ENTPD3: variants seen among roughly 807,000 people sequenced by gnomAD.
The protein encoded by ENTPD3 is ectonucleoside triphosphate diphosphohydrolase 3, also known as CD39 antigen-like 3.
ENTPD3 carries 60 observed loss-of-function variants against 51.2 expected under a neutral mutation model. That is an observed-to-expected ratio of 1.17 (90% CI 0.95 to 1.45). The LOEUF (loss-of-function observed/expected upper bound fraction) is 1.45, where lower values mean the gene tolerates loss of function less well. Among genes scored for constraint, ENTPD3 ranks in the 40% most tolerant of loss-of-function variants. The pLI, the probability that ENTPD3 is intolerant of heterozygous loss-of-function variation, is 0.00. For missense variants in ENTPD3, 593 were observed against 641.1 expected (o/e 0.93, Z 0.81); for synonymous variants, 221 against 238.4 (o/e 0.93, Z 0.67).
intron 7 of ENTPD3, among the ~76,000 whole-genome samples, chr3:40,421,791 T>G (rs114064501): frequency 0.014 from 2,164 of 152,278 alleles, 44 homozygotes; most frequent in African/African-American, 0.04. Flanking sequence ...TGCTACCATT[T>G]ATGGCTTTAA....
Position 40,414,844 on chromosome 3 carries a change from T to G in ENTPD3, c.597+4T>G. ...TTTAATGGGAAATTTCCTGGAGGTG[T>G]GTGCAAACAAATGCATGGTTTTTAA... On this transcript the variant is annotated splice_donor_region_variant and intron_variant, in intron 6 of 10. Transcript: ENST00000301825. 3 of 1,613,930 alleles carry G rather than the reference T, an allele frequency of 1.9e-6. No individual in the cohort carries two copies. In the South Asian group the frequency reaches 3.3e-5, roughly 18 times the overall value.
intron 7 of ENTPD3, among the ~76,000 whole-genome samples, chr3:40,421,870 A>G (rs1955880908): frequency 6.6e-6 from 1 of 152,220 alleles, no homozygotes; most frequent in Non-Finnish European, 1.5e-5. Flanking sequence ...AGGATACACA[A>G]AAACTGGCAA....
intron 6 of ENTPD3, 147 bp from the exon 7 acceptor site, chr3:40,415,693 C>A: frequency 1.6e-6 from 1 of 628,702 alleles, no homozygotes; most frequent in Non-Finnish European, 2.8e-6. Context: ...TAATTCACCA[C>A]CTCTAAAAGA....
At chr3:40,415,736 G>A (rs1427166628) in intron 6 of ENTPD3, 104 bp from the exon 7 acceptor site, 1 of 821,406 alleles carries the variant, frequency 1.2e-6, no homozygotes, top group Non-Finnish European at 2.0e-6. Flanking sequence ...TGCTCCCTCT[G>A]TCCTACTTCT....
intron 4 of ENTPD3, among the ~76,000 whole-genome samples, chr3:40,405,490 G>A (rs1041283012): frequency 1.4e-5 from 2 of 146,378 alleles, no homozygotes; most frequent in East Asian, 2.1e-4. Flanking sequence ...GGGTGACAGA[G>A]CGAGACTTCA....
chr3:40,391,924 A>C, intron 2 of ENTPD3, 99 bp from the exon 3 acceptor site: 2 of 1,404,724 alleles, frequency 1.4e-6, no homozygotes, highest in East Asian at 2.3e-5. Context: ...AAGGTGGTTT[A>C]TGCACCTGAT....
At chr3:40,395,021 A>G (rs1955163564) in intron 3 of ENTPD3, among the ~76,000 whole-genome samples, 1 of 152,198 alleles carries the variant, frequency 6.6e-6, no homozygotes, top group African/African-American at 2.4e-5. Flanking sequence ...GAAGGTGGAC[A>G]TCACCAATGG....
At chr3:40,419,668 G>T (rs889956355) in intron 7 of ENTPD3, among the ~76,000 whole-genome samples, 2 of 152,026 alleles carry the variant, frequency 1.3e-5, no homozygotes, top group African/African-American at 4.8e-5. Context: ...TTAATTCTTG[G>T]CTTGTATCCT....
intron 2 of ENTPD3, 82 bp from the exon 3 acceptor site, chr3:40,391,941 G>A: frequency 1.3e-6 from 2 of 1,529,230 alleles, no homozygotes; most frequent in Non-Finnish European, 1.8e-6. Context: ...TGATTATGGG[G>A]CCAGTCCATC....
chr3:40,425,455 G>A (rs1244724983), intron 10 of ENTPD3, among the ~76,000 whole-genome samples: 1 of 151,816 alleles, frequency 6.6e-6, no homozygotes, highest in Non-Finnish European at 1.5e-5. Context: ...AAAATGTGAA[G>A]GTGTAAAAAG....
At position 40,402,123 on chromosome 3, in the gene ENTPD3, C is replaced by CTTTT. The variant is rs58000344; in HGVS notation, c.286+1122_286+1125dup. 3.2e-5 allele frequency among the ~76,000 whole-genome samples: 3 copies of CTTTT among 95,024 alleles called. 1 individual carries two copies. The highest frequency in any genetic ancestry group is 1.6e-4 in the Admixed American group (1 of 6,240). The allele number at this position is 95,024 out of a possible 152,430, so 62.3% of individuals were successfully genotyped here. A position where few individuals can be genotyped will look rare whatever the true frequency, so the allele number is the denominator to read the frequency against. On this transcript the variant is annotated intron_variant, in intron 4 of 10. Coordinates refer to ENST00000301825, the MANE Select transcript of ENTPD3 (RefSeq NM_001248.4). Reference sequence around the variant, plus strand: ...TTCATTTCCTTTCCTTTTTTTTTTTCTTTTTTTTTTTTTGAGACAGAGTCT... The same window carrying CTTTT: ...TTCATTTCCTTTCCTTTTTTTTTTTCTTTTTTTTTTTTTTTTTGAGACAGAGTCT...
Position 40,388,098 on chromosome 3 carries a change from G to A in ENTPD3, c.40+1G>A. On this transcript the variant is annotated splice_donor_variant, in intron 2 of 10. Transcript: ENST00000301825. LOFTEE classifies it high-confidence loss of function. ...ACCCGCCAACCATGTGAGCAAGCAG[G>A]TTAGTATCTCTCAGCAGGTAGCAAG... 12 of 1,614,110 alleles carry A rather than the reference G, an allele frequency of 7.4e-6. No homozygotes were observed. Among genetic ancestry groups the A allele is most frequent in the Non-Finnish European group, 1.0e-5 (12 of 1,180,010 alleles).
chr3:40,394,654 C>T (rs1308043886), intron 3 of ENTPD3, among the ~76,000 whole-genome samples: 1 of 152,172 alleles, frequency 6.6e-6, no homozygotes, highest in Non-Finnish European at 1.5e-5. Flanking sequence ...CACTGCCTCC[C>T]ACTTCTCCCT....
chr3:40,404,846 C>T (rs1955454167), intron 4 of ENTPD3, among the ~76,000 whole-genome samples: 1 of 152,142 alleles, frequency 6.6e-6, no homozygotes, highest in Non-Finnish European at 1.5e-5. Context: ...GCTTGCTCAC[C>T]CAGCAGGGAT....
At chr3:40,405,570 T>C (rs1955473143) in intron 4 of ENTPD3, among the ~76,000 whole-genome samples, 3 of 152,138 alleles carry the variant, frequency 2.0e-5, no homozygotes, top group Non-Finnish European at 4.4e-5. Flanking sequence ...CTTTGGCTTC[T>C]GTTTCCCCTC....
At chr3:40,414,016 T>G (rs1418690246) in intron 5 of ENTPD3, among the ~76,000 whole-genome samples, 1 of 152,144 alleles carries the variant, frequency 6.6e-6, no homozygotes, top group Non-Finnish European at 1.5e-5. Context: ...AAAGATGAAA[T>G]AATCTCCCAA....
rs778771800 is a variant in ENTPD3 at position 40,391,991 on chromosome 3, C to A, written c.41-32C>A. ...TACCAGTGCCTGGTTTTTACCTCCCCCTCAAGTGTCTTCTGGGTCTTCTCA... is the reference window on the plus strand; with the variant it reads ...TACCAGTGCCTGGTTTTTACCTCCCACTCAAGTGTCTTCTGGGTCTTCTCA... On this transcript the variant is annotated intron_variant, in intron 2 of 10. Coordinates refer to ENST00000301825, the MANE Select transcript of ENTPD3 (RefSeq NM_001248.4). 3 of 1,613,060 alleles carry A rather than the reference C, an allele frequency of 1.9e-6. No individual in the cohort carries two copies. The Admixed American group carries it at 5.0e-5, about 27-fold the overall frequency.
chr3:40,403,568 C>T (rs1250925121), intron 4 of ENTPD3, among the ~76,000 whole-genome samples: 1 of 152,078 alleles, frequency 6.6e-6, no homozygotes, highest in East Asian at 1.9e-4. Flanking sequence ...AAGCTGACAG[C>T]TGGGACAATA....
At chr3:40,418,587 TC>T (rs1246275196) in intron 7 of ENTPD3, among the ~76,000 whole-genome samples, 3 of 152,226 alleles carry the variant, frequency 2.0e-5, no homozygotes, top group African/African-American at 7.2e-5. Context: ...TTTCTATCTT[TC>T]CCTTTTTAAG....
Sources: allele counts gnomAD v4.1 joint callset (sites outside exome capture counted in the v4.1 genomes callset), GRCh38; gene constraint gnomAD v4.1.1; transcripts MANE v1.5; gene names NCBI Gene and HGNC (gene_info 2026-07-23, HGNC 2026-07-21).